Variants in ADGRB3 observed in about 807,000 individuals in gnomAD.
ADGRB3 encodes the protein brain-specific angiogenesis inhibitor 3.
ADGRB3 carries 37 observed loss-of-function variants against 193.4 expected under a neutral mutation model. That is an observed-to-expected ratio of 0.19 (90% CI 0.15 to 0.25). The LOEUF is 0.25. ADGRB3 is among the 10% of genes least tolerant of loss of function. ADGRB3 has a pLI of 1.00. For synonymous variants in ADGRB3, 690 were observed against 644.2 expected (o/e 1.07, Z -1.08); for missense variants, 1,637 against 1,852.9 (o/e 0.88, Z 2.14).
chr6:68,651,395 A>G (rs1768363214), intron 3 of ADGRB3, among the ~76,000 whole-genome samples: 1 of 152,158 alleles, frequency 6.6e-6, no homozygotes, highest in Non-Finnish European at 1.5e-5. Context: ...CTCTTTTAAA[A>G]ACATATGAGT....
intron 17 of ADGRB3, among the ~76,000 whole-genome samples, chr6:69,138,841 G>T (rs1336633): frequency 0.63 from 95,213 of 152,052 alleles, 30,858 homozygotes; most frequent in East Asian, 0.85. Context: ...GGAAGCAAAG[G>T]TTATAAAAGG....
intron 17 of ADGRB3, among the ~76,000 whole-genome samples, chr6:69,204,092 G>A (rs770531699): frequency 5.3e-5 from 8 of 151,330 alleles, no homozygotes; most frequent in African/African-American, 7.4e-5. Flanking sequence ...GACCAGTGAT[G>A]CACTAAGAAT....
At chr6:68,772,896 T>A (rs939305123) in intron 3 of ADGRB3, among the ~76,000 whole-genome samples, 1,359 of 11,024 alleles carry the variant, frequency 0.12, 5 homozygotes, top group South Asian at 0.14. Flanking sequence ...AAAAAAAAAA[T>A]ATATATATAT....
chr6:68,685,766 G>A (rs1397403893), intron 3 of ADGRB3, among the ~76,000 whole-genome samples: 7 of 151,934 alleles, frequency 4.6e-5, no homozygotes, highest in African/African-American at 4.8e-5. Flanking sequence ...GGTGGCACGC[G>A]CCTGTAATCC....
intron 3 of ADGRB3, among the ~76,000 whole-genome samples, chr6:68,700,591 T>G (rs371490043): frequency 3.0e-4 from 45 of 152,038 alleles, no homozygotes; most frequent in African/African-American, 1.1e-3. Context: ...ACAATTTCAG[T>G]ATAGAAAAGA....
chr6:68,710,253 T>G (rs1413709314), intron 3 of ADGRB3, among the ~76,000 whole-genome samples: 2 of 152,164 alleles, frequency 1.3e-5, no homozygotes, highest in Non-Finnish European at 2.9e-5. Context: ...AGCCCTTTTT[T>G]TATCTGGTTC....
At chr6:69,077,015 A>G (rs1772251418) in intron 17 of ADGRB3, among the ~76,000 whole-genome samples, 1 of 151,968 alleles carries the variant, frequency 6.6e-6, no homozygotes, top group Non-Finnish European at 1.5e-5. Context: ...TCTCAGTCCT[A>G]GGATGCTGAT....
chr6:68,687,949 A>G (rs1172878499), intron 3 of ADGRB3, among the ~76,000 whole-genome samples: 2 of 152,182 alleles, frequency 1.3e-5, no homozygotes, highest in African/African-American at 4.8e-5. Flanking sequence ...AGGTTTTAGT[A>G]GAAGAACAAT....
intron 10 of ADGRB3, among the ~76,000 whole-genome samples, chr6:68,977,037 G>T (rs1768771191): frequency 6.8e-6 from 1 of 147,876 alleles, no homozygotes; most frequent in African/African-American, 2.5e-5. Context: ...TTCAAAAATA[G>T]AAATATAAAT....
chr6:69,037,415 A>G (rs550604259), intron 13 of ADGRB3, among the ~76,000 whole-genome samples: 1 of 152,320 alleles, frequency 6.6e-6, no homozygotes, highest in East Asian at 1.9e-4. Flanking sequence ...GAAGCCTGAT[A>G]GCCCACAAAA....
chr6:68,918,171 G>T (rs1766934253), intron 3 of ADGRB3, among the ~76,000 whole-genome samples: 1 of 152,120 alleles, frequency 6.6e-6, no homozygotes. Flanking sequence ...ACTTCTTGAT[G>T]AAAAAGTTCA....
intron 3 of ADGRB3, among the ~76,000 whole-genome samples, chr6:68,793,098 C>A (rs1377034367): frequency 1.3e-5 from 2 of 151,864 alleles, no homozygotes; most frequent in African/African-American, 2.4e-5. Flanking sequence ...ATTCAGTTTG[C>A]GATCCTGATA....
intron 13 of ADGRB3, among the ~76,000 whole-genome samples, chr6:69,040,675 C>CAAAAAAAAAAAAAAAAAAAA (rs869146684): frequency 3.1e-4 from 6 of 19,528 alleles, no homozygotes; most frequent in Admixed American, 1.0e-3. Context: ...GACTGATGGA[C>CAAAAAAAAAAAAAAAAAAAA]AAAAAAAAAA....
chr6:69,255,530 G>A (rs1384645669), intron 20 of ADGRB3, among the ~76,000 whole-genome samples: 8 of 152,106 alleles, frequency 5.3e-5, no homozygotes, highest in Admixed American at 4.6e-4. Context: ...CATGTCCTTT[G>A]CCCACTTTTT....
chr6:68,682,210 T>C (rs1230225714), intron 3 of ADGRB3, among the ~76,000 whole-genome samples: 2 of 152,224 alleles, frequency 1.3e-5, no homozygotes, highest in South Asian at 4.1e-4. Context: ...AATCAGGTAA[T>C]ATTTCAAACA....
chr6:68,719,183 A>G (rs1344171397), intron 3 of ADGRB3, among the ~76,000 whole-genome samples: 1 of 151,686 alleles, frequency 6.6e-6, no homozygotes, highest in Non-Finnish European at 1.5e-5. Flanking sequence ...TTCCTGCCTT[A>G]GTTGGTTTTT....
chr6:68,987,118 A>G (rs1769100414), intron 10 of ADGRB3, among the ~76,000 whole-genome samples: 1 of 152,176 alleles, frequency 6.6e-6, no homozygotes, highest in Admixed American at 6.6e-5. Context: ...TTGGAGCAAT[A>G]ATGCTCACAG....
At chr6:68,646,790 TTTAA>T (rs1156937322) in intron 3 of ADGRB3, among the ~76,000 whole-genome samples, 2 of 152,300 alleles carry the variant, frequency 1.3e-5, no homozygotes, top group African/African-American at 4.8e-5. Context: ...ATTTGAAACT[TTTAA>T]TTGTGTAAGA....
intron 3 of ADGRB3, among the ~76,000 whole-genome samples, chr6:68,845,511 G>T (rs756224700): frequency 1.3e-5 from 2 of 152,162 alleles, no homozygotes; most frequent in Non-Finnish European, 2.9e-5. Context: ...AACTTGAATT[G>T]TATCTCCCAG....
Sources: gnomAD v4.1 joint callset for allele counts (sites outside exome capture counted in the v4.1 genomes callset) on GRCh38, gnomAD v4.1.1 for gene constraint, MANE v1.5 for transcripts, NCBI Gene and HGNC (gene_info 2026-07-23, HGNC 2026-07-21) for gene names.